Variants in ST6GALNAC3 observed in about 807,000 individuals in gnomAD.
The protein encoded by ST6GALNAC3 is ST6 N-acetylgalactosaminide alpha-2,6-sialyltransferase 3.
A neutral mutation model predicts 32.7 loss-of-function variants in ST6GALNAC3; 25 were observed. That is an observed-to-expected ratio of 0.76 (90% confidence interval 0.56 to 1.07). The LOEUF is 1.07. ST6GALNAC3 is among the 50% of genes least tolerant of loss of function. ST6GALNAC3 has a pLI of 0.00. For synonymous variants in ST6GALNAC3, 129 were observed against 133.1 expected (o/e 0.97, Z 0.21); for missense variants, 355 against 382.4 (o/e 0.93, Z 0.60).
chr1:76,366,893 A>C (rs1650416859), intron 2 of ST6GALNAC3, among the ~76,000 whole-genome samples: 1 of 152,228 alleles, frequency 6.6e-6, no homozygotes, highest in Non-Finnish European at 1.5e-5. Context: ...AAGTTTATAT[A>C]AAAGAGAGAC....
chr1:76,238,948 CT>C (rs35385527), intron 1 of ST6GALNAC3, among the ~76,000 whole-genome samples: 3,285 of 131,222 alleles, frequency 0.025, 101 homozygotes, highest in African/African-American at 0.079. Context: ...TCCCACTAAC[CT>C]TTTTTTTTTT....
chr1:76,318,170 T>C (rs922425462), intron 2 of ST6GALNAC3, among the ~76,000 whole-genome samples: 1 of 152,176 alleles, frequency 6.6e-6, no homozygotes, highest in African/African-American at 2.4e-5. Context: ...GTTTATTTTT[T>C]TCCCTGATGT....
intron 1 of ST6GALNAC3, among the ~76,000 whole-genome samples, chr1:76,233,171 T>A (rs1375720461): frequency 6.6e-6 from 1 of 152,180 alleles, no homozygotes; most frequent in Non-Finnish European, 1.5e-5. Context: ...TCTACAGTAA[T>A]AATAATATTA....
chr1:76,111,323 G>C (rs1044431576), intron 1 of ST6GALNAC3, among the ~76,000 whole-genome samples: 1 of 151,984 alleles, frequency 6.6e-6, no homozygotes, highest in Non-Finnish European at 1.5e-5. Flanking sequence ...AACTGTAGAC[G>C]TCTTAGTGAG....
intron 2 of ST6GALNAC3, among the ~76,000 whole-genome samples, chr1:76,402,308 A>G (rs2101222462): frequency 1.3e-5 from 2 of 152,288 alleles, no homozygotes; most frequent in Middle Eastern, 6.8e-3. Flanking sequence ...TAGTCTTAGA[A>G]TGTACAATGT....
intron 1 of ST6GALNAC3, among the ~76,000 whole-genome samples, chr1:76,153,990 TGTCCCGCC>T (rs1651219942): frequency 6.6e-6 from 1 of 152,166 alleles, no homozygotes; most frequent in Non-Finnish European, 1.5e-5. Flanking sequence ...ATGAGTTGCC[TGTCCCGCC>T]GTCTGTAGTC....
At chr1:76,332,508 C>G (rs1647207094) in intron 2 of ST6GALNAC3, among the ~76,000 whole-genome samples, 1 of 152,088 alleles carries the variant, frequency 6.6e-6, no homozygotes, top group Non-Finnish European at 1.5e-5. Context: ...AAGACAAAGT[C>G]AATACTACTT....
In ST6GALNAC3 at chr1:76,474,052, G is replaced by A. The variant is rs1220508620; in HGVS notation, c.623+61635G>A. On this transcript the variant is annotated intron_variant, in intron 3 of 4. Coordinates refer to ENST00000328299, the MANE Select transcript of ST6GALNAC3 (RefSeq NM_152996.4). ...AGAGATAGGGTGAGACAGTGAGACA[G>A]CATCAACGAGTTCAATCACCCCAAC... is the stretch of plus-strand genomic sequence containing the variant. Among the ~76,000 whole-genome samples, 5 of 152,282 alleles carry A rather than the reference G, an allele frequency of 3.3e-5. No homozygotes were observed. The Middle Eastern group carries it at 0.017, about 518-fold the overall frequency.
At chr1:76,532,926 T>A (rs541378729) in intron 3 of ST6GALNAC3, among the ~76,000 whole-genome samples, 1 of 152,156 alleles carries the variant, frequency 6.6e-6, no homozygotes, top group South Asian at 2.1e-4. Flanking sequence ...AGACTCTGCT[T>A]ATTAGGATAG....
At chr1:76,331,892 T>A (rs1647193395) in intron 2 of ST6GALNAC3, among the ~76,000 whole-genome samples, 2 of 152,226 alleles carry the variant, frequency 1.3e-5, no homozygotes, top group Admixed American at 6.5e-5. Flanking sequence ...TTCCTCTCTT[T>A]CTATGTAGAG....
intron 1 of ST6GALNAC3, among the ~76,000 whole-genome samples, chr1:76,111,890 TC>T (rs1228379251): frequency 1.3e-5 from 2 of 151,804 alleles, no homozygotes. Context: ...TCCCCACCTT[TC>T]CCCCCTTTCT....
At chr1:76,442,760 C>T (rs1308337000) in intron 3 of ST6GALNAC3, among the ~76,000 whole-genome samples, 1 of 152,100 alleles carries the variant, frequency 6.6e-6, no homozygotes, top group African/African-American at 2.4e-5. Flanking sequence ...TAGGACCCCT[C>T]CTTTGGTTTT....
intron 3 of ST6GALNAC3, among the ~76,000 whole-genome samples, chr1:76,627,077 C>T (rs1260258401): frequency 6.6e-6 from 1 of 151,910 alleles, no homozygotes; most frequent in Non-Finnish European, 1.5e-5. Context: ...CCCATCTGGG[C>T]TCCAAGCAAC....
chr1:76,576,519 G>A (rs369258), intron 3 of ST6GALNAC3, among the ~76,000 whole-genome samples: 43,238 of 151,888 alleles, frequency 0.28, 6,628 homozygotes, highest in African/African-American at 0.4. Flanking sequence ...ATAGAAGCCA[G>A]ACACATGCAG....
intron 2 of ST6GALNAC3, among the ~76,000 whole-genome samples, chr1:76,375,815 C>A (rs1368471644): frequency 1.3e-5 from 2 of 152,106 alleles, no homozygotes; most frequent in African/African-American, 4.8e-5. Context: ...TACTATGCAG[C>A]TATTAAAACA....
chr1:76,565,840 G>T (rs920510105), intron 3 of ST6GALNAC3, among the ~76,000 whole-genome samples: 2 of 152,150 alleles, frequency 1.3e-5, no homozygotes, highest in Non-Finnish European at 2.9e-5. Flanking sequence ...AACAATGTAG[G>T]GGTGAGCACA....
chr1:76,243,691 A>G (rs1396247417), intron 1 of ST6GALNAC3, among the ~76,000 whole-genome samples: 1 of 152,092 alleles, frequency 6.6e-6, no homozygotes, highest in Non-Finnish European at 1.5e-5. Flanking sequence ...TTTTCCCAGT[A>G]CATTTATTAA....
chr1:76,108,554 G>C (rs1384788999), intron 1 of ST6GALNAC3, among the ~76,000 whole-genome samples: 3 of 152,162 alleles, frequency 2.0e-5, no homozygotes, highest in African/African-American at 7.2e-5. Context: ...AGTTGTGTTT[G>C]CTCATCACTG....
At chr1:76,351,982 A>T (rs751257415) in intron 2 of ST6GALNAC3, among the ~76,000 whole-genome samples, 211 of 152,318 alleles carry the variant, frequency 1.4e-3, no homozygotes, top group Non-Finnish European at 2.3e-3. Flanking sequence ...GTTTGTGGCC[A>T]TCCGAAGGGC....
Sources: allele counts gnomAD v4.1 joint callset (sites outside exome capture counted in the v4.1 genomes callset), GRCh38; gene constraint gnomAD v4.1.1; transcripts MANE v1.5; gene names NCBI Gene and HGNC (gene_info 2026-07-23, HGNC 2026-07-21).